Variants in FAM20C observed in about 807,000 individuals in gnomAD.
The protein encoded by FAM20C is FAM20C golgi associated secretory pathway kinase.
In FAM20C, 40 loss-of-function variants were observed where a neutral mutation model predicts 51.5. The observed-to-expected ratio is 0.78, with a 90% CI of 0.60 to 1.01. FAM20C has a LOEUF of 1.01. Ranked by LOEUF, FAM20C falls within the 50% of genes least tolerant of loss-of-function variation. FAM20C has a pLI of 0.00. For missense variants in FAM20C, 861 were observed against 844.7 expected (o/e 1.02, Z -0.24); for synonymous variants, 406 against 380.6 (o/e 1.07, Z -0.78).
Position 195,616 on chromosome 7 carries a change from A to T in FAM20C, c.668A>T (p.Tyr223Phe), listed in dbSNP as rs1035789154. ...CCCGGGGAGGCGGCCGTGGACTCCT[A>T]TCCCAACTGGCTCAAGTTCCACATT... ...LSPGEAAVDSYPNWLKFHIGI... is the reference protein window; with the variant it reads ...LSPGEAAVDSFPNWLKFHIGI... The change falls in exon 2 of 10, where the codon TAT becomes TTT. Residue 223 changes from tyrosine (Y) to phenylalanine (F), a missense_variant. Transcript: ENST00000313766. The T allele has an allele frequency of 2.5e-6, 4 of 1,609,614 alleles. No homozygotes were observed. In the East Asian group the frequency reaches 6.7e-5, roughly 27 times the overall value.
rs1788230075 is a variant in FAM20C at position 247,826 on chromosome 7, C to T, written c.957-489C>T. 2.6e-5 allele frequency among the ~76,000 whole-genome samples: 4 copies of T among 152,300 alleles called. No individual in the cohort carries two copies. In the South Asian group the frequency reaches 6.2e-4, roughly 24 times the overall value. On this transcript the variant is annotated intron_variant, in intron 4 of 9. Transcript: ENST00000313766. ...CAGAGGCGTGGTCGGGCCTTGGGTC[C>T]CGGGTCGGCCCTGGCAGACGGCCCA...
chr7:258,377 C>T (rs1356133317), intron 8 of FAM20C, among the ~76,000 whole-genome samples: 41 of 99,196 alleles, frequency 4.1e-4, no homozygotes, highest in African/African-American at 6.9e-4. Context: ...TGGAGATGGG[C>T]AGGGTGGACC....
chr7:232,026 G>A (rs1181523011), intron 3 of FAM20C, among the ~76,000 whole-genome samples: 3 of 152,202 alleles, frequency 2.0e-5, no homozygotes, highest in East Asian at 1.9e-4. Context: ...CGTCGGCCTC[G>A]TCGGGCTGTC....
intron 4 of FAM20C, among the ~76,000 whole-genome samples, 166 bp downstream of exon 4, chr7:246,673 GT>G: frequency 1.3e-5 from 1 of 75,884 alleles, no homozygotes; most frequent in South Asian, 4.3e-4. Flanking sequence ...CCTGAGCAGG[GT>G]CCTGTATGTC....
chr7:209,558 C>T (rs1037141084), intron 3 of FAM20C, among the ~76,000 whole-genome samples: 4 of 97,464 alleles, frequency 4.1e-5, no homozygotes, highest in African/African-American at 2.2e-4. Context: ...GAAACTGTGT[C>T]AGTCACCAAA....
At chr7:246,796 G>C (rs893182287) in intron 4 of FAM20C, among the ~76,000 whole-genome samples, 3 of 152,136 alleles carry the variant, frequency 2.0e-5, no homozygotes, top group Non-Finnish European at 4.4e-5. Flanking sequence ...CACGCGGTAG[G>C]GAGAGCCTTT....
At chr7:227,011 A>G (rs1331106040) in intron 3 of FAM20C, among the ~76,000 whole-genome samples, 1 of 151,950 alleles carries the variant, frequency 6.6e-6, no homozygotes. Context: ...GGCTGTTCCG[A>G]TTAGGCCTTC....
At chr7:216,859 A>G (rs1787008250) in intron 3 of FAM20C, among the ~76,000 whole-genome samples, 2 of 152,096 alleles carry the variant, frequency 1.3e-5, no homozygotes, top group African/African-American at 4.8e-5. Context: ...CTAGATGCAG[A>G]AACTTTAGCC....
intron 3 of FAM20C, among the ~76,000 whole-genome samples, chr7:243,822 G>A (rs535384945): frequency 1.2e-4 from 19 of 152,100 alleles, no homozygotes; most frequent in Admixed American, 8.5e-4. Context: ...GTTTCCTAGC[G>A]GCTTTATCAG....
At chr7:245,728 CT>C (rs1788126192) in intron 3 of FAM20C, among the ~76,000 whole-genome samples, 1 of 152,186 alleles carries the variant, frequency 6.6e-6, no homozygotes, top group Admixed American at 6.5e-5. Context: ...TGCGGCTAGG[CT>C]CCCCTTCCCC....
chr7:246,080 G>A (rs1266309196), intron 3 of FAM20C: 2 of 227,348 alleles, frequency 8.8e-6, no homozygotes, highest in Non-Finnish European at 1.8e-5. Flanking sequence ...AGCCAGTGCA[G>A]GAGAGGCCTT....
chr7:248,375 G>A lies in FAM20C; in HGVS notation c.1017G>A (p.Glu339=). The A allele has an allele frequency of 6.5e-7, 1 of 1,537,212 alleles. No homozygotes were observed. Among genetic ancestry groups the A allele is most frequent in the Non-Finnish European group, 8.7e-7 (1 of 1,146,902 alleles). ...VAGRMVNMTK[E]IRDVTRDKKL... is the part of the protein sequence containing the mutation. ...GCAGGATGGTCAACATGACCAAGGA[G>A]ATCCGGGACGTCACACGGGACAAGA... The change falls in exon 5 of 10, where the codon GAG becomes GAA. Residue 339 remains glutamate (E), a synonymous_variant. Coordinates refer to ENST00000313766, the MANE Select transcript of FAM20C (RefSeq NM_020223.4).
chr7:220,311 C>T (rs986623131), intron 3 of FAM20C, among the ~76,000 whole-genome samples: 3 of 152,202 alleles, frequency 2.0e-5, no homozygotes, highest in African/African-American at 7.2e-5. Context: ...CACCCCTGCC[C>T]TGCCCAGCAG....
chr7:214,335 A>G (rs924520731), intron 3 of FAM20C, among the ~76,000 whole-genome samples: 4 of 152,218 alleles, frequency 2.6e-5, no homozygotes, highest in African/African-American at 7.2e-5. Context: ...CAAAAAAAAA[A>G]AAATCTTTAC....
Position 256,302 on chromosome 7 carries a change from G to A in FAM20C, c.1253+273G>A, listed in dbSNP as rs371372438. The A allele has an allele frequency of 3.7e-4, 216 of 585,522 alleles. 1 individual carries two copies. The Middle Eastern group carries it at 4.5e-3, about 12-fold the overall frequency. 36.3% of individuals were successfully genotyped at this position (585,522 alleles called of 1,614,324 possible). On this transcript the variant is annotated intron_variant, in intron 6 of 9. Transcript: ENST00000313766. ...CTCTCAGCGTTTGAGCTCTGCTCTC[G>A]CCCCGTCCCTCTCCTCACTCCTGCG...
In FAM20C at chr7:246,537, G is replaced by GACAGGTGAGCCCTTCCTTCCTCC. The variant is rs1554254770; in HGVS notation, c.956+30_956+31insACAGGTGAGCCCTTCCTTCCTCC. The GACAGGTGAGCCCTTCCTTCCTCC allele has an allele frequency of 1.1e-3, 1,589 of 1,458,898 alleles. 57 individuals carry two copies. Among genetic ancestry groups the GACAGGTGAGCCCTTCCTTCCTCC allele is most frequent in the African/African-American group, 2.2e-3 (143 of 65,046 alleles). The allele number at this position is 1,458,898 out of a possible 1,614,324, so 90.4% of individuals were successfully genotyped here. A position where few individuals can be genotyped will look rare whatever the true frequency, so the allele number is the denominator to read the frequency against. ...GCCCTTCCTTCCTCCCTCCATCCGC[G>GACAGGTGAGCCCTTCCTTCCTCC]CTCCCGTGCGCTCAGACCCACCGGT... is the stretch of plus-strand genomic sequence containing the variant. On this transcript the variant is annotated intron_variant, in intron 4 of 9. Coordinates refer to ENST00000313766, the MANE Select transcript of FAM20C (RefSeq NM_020223.4).
At chr7:210,148 G>A (rs1199921794) in intron 3 of FAM20C, among the ~76,000 whole-genome samples, 1 of 152,252 alleles carries the variant, frequency 6.6e-6, no homozygotes, top group African/African-American at 2.4e-5. Flanking sequence ...GCCTGGGGCT[G>A]AGGGCTGCTA....
intron 3 of FAM20C, among the ~76,000 whole-genome samples, chr7:219,097 G>T (rs1471761458): frequency 1.3e-5 from 2 of 151,924 alleles, no homozygotes; most frequent in African/African-American, 2.4e-5. Context: ...TCGTCACCAT[G>T]GGTGGTGGTG....
Position 259,877 on chromosome 7 carries a change from G to C in FAM20C, c.1652G>C (p.Arg551Pro), listed in dbSNP as rs150231592. The C allele has an allele frequency of 6.5e-7, 1 of 1,536,158 alleles. No individual in the cohort carries two copies. The highest frequency in any genetic ancestry group is 2.0e-5 in the Admixed American group (1 of 50,998). The part of the protein sequence containing the change: ...PHLEALDRRL[R>P]VVLKAVRDCV... The stretch of plus-strand genomic sequence containing the variant: ...CTGGAGGCCCTGGACCGGCGGCTCC[G>C]CGTCGTGCTAAAGGCCGTCCGGGAC... The change falls in exon 10 of 10, where the codon CGC (arginine) becomes CCC (proline). Residue 551 changes from arginine (R) to proline (P), a missense_variant. Arg to Pro is a moderately radical substitution (Grantham distance 103). Coordinates refer to ENST00000313766, the MANE Select transcript of FAM20C (RefSeq NM_020223.4).
Sources: gnomAD v4.1 joint callset for allele counts (sites outside exome capture counted in the v4.1 genomes callset) on GRCh38, gnomAD v4.1.1 for gene constraint, MANE v1.5 for transcripts, NCBI Gene and HGNC (gene_info 2026-07-23, HGNC 2026-07-21) for gene names.